MPP7: variants seen among roughly 807,000 people sequenced by gnomAD.
MPP7 encodes the protein MAGUK p55 subfamily member 7.
In MPP7, 60 loss-of-function variants were observed where a neutral mutation model predicts 76.5. The observed-to-expected ratio is 0.78, with a 90% CI of 0.64 to 0.97. MPP7 has a LOEUF of 0.97. Ranked by LOEUF, MPP7 falls within the 50% of genes least tolerant of loss-of-function variation. The pLI is 0.00. For synonymous variants in MPP7, 237 were observed against 244.5 expected (o/e 0.97, Z 0.29); for missense variants, 641 against 694.0 (o/e 0.92, Z 0.86).
chr10:28,104,728 C>T (rs1853989273), intron 11 of MPP7, among the ~76,000 whole-genome samples: 1 of 152,146 alleles, frequency 6.6e-6, no homozygotes, highest in Non-Finnish European at 1.5e-5. Context: ...CCTATTATTT[C>T]ACTGTGGAAG....
chr10:28,086,111 G>T (rs1265790859), intron 12 of MPP7, among the ~76,000 whole-genome samples: 1 of 152,142 alleles, frequency 6.6e-6, no homozygotes, highest in African/African-American at 2.4e-5. Flanking sequence ...GACACAGAGA[G>T]GGGAACATCA....
At chr10:28,237,153 AT>A (rs765503185) in intron 2 of MPP7, among the ~76,000 whole-genome samples, 7 of 152,238 alleles carry the variant, frequency 4.6e-5, no homozygotes, top group Admixed American at 2.0e-4. Flanking sequence ...AAGCAACGAT[AT>A]TTTGCATTAA....
intron 5 of MPP7, among the ~76,000 whole-genome samples, chr10:28,139,117 A>G (rs1835434222): frequency 6.6e-6 from 1 of 152,226 alleles, no homozygotes; most frequent in Admixed American, 6.5e-5. Flanking sequence ...GGAAAGGGCC[A>G]GGGGAAGAAG....
At chr10:28,254,078 C>T (rs1340684095) in intron 1 of MPP7, among the ~76,000 whole-genome samples, 4 of 145,528 alleles carry the variant, frequency 2.7e-5, no homozygotes, top group East Asian at 2.0e-4. Context: ...CATTCAATTG[C>T]ACTATAATCT....
chr10:28,233,732 A>C (rs1838971344), intron 2 of MPP7, among the ~76,000 whole-genome samples: 1 of 148,720 alleles, frequency 6.7e-6, no homozygotes. Context: ...AAAAAAAAAA[A>C]AAAGAGAGAA....
At chr10:28,323,413 A>G (rs1406284127) in intron 2 of MPP7, among the ~76,000 whole-genome samples, 1 of 151,914 alleles carries the variant, frequency 6.6e-6, no homozygotes, top group Non-Finnish European at 1.5e-5. Context: ...AGATCGCACC[A>G]CTGTACTCTA....
intron 2 of MPP7, among the ~76,000 whole-genome samples, chr10:28,310,184 T>C (rs1841282092): frequency 6.6e-6 from 1 of 151,990 alleles, no homozygotes; most frequent in African/African-American, 2.4e-5. Flanking sequence ...GTATTTTTGG[T>C]AGAGACGGGG....
intron 3 of MPP7, among the ~76,000 whole-genome samples, chr10:28,155,598 C>CAAAAAA (rs71391013): frequency 1.0e-4 from 13 of 124,638 alleles, no homozygotes; most frequent in East Asian, 2.6e-4. Flanking sequence ...ACCCTGTCTC[C>CAAAAAA]AAAAAAAAAA....
intron 3 of MPP7, among the ~76,000 whole-genome samples, chr10:28,157,793 T>C (rs979526725): frequency 6.6e-6 from 1 of 152,232 alleles, no homozygotes; most frequent in African/African-American, 2.4e-5. Flanking sequence ...GAGTCTTAGC[T>C]AAAATGTCAC....
chr10:28,207,233 C>T (rs1454501134), intron 2 of MPP7, among the ~76,000 whole-genome samples: 1 of 151,752 alleles, frequency 6.6e-6, no homozygotes, highest in Admixed American at 6.6e-5. Context: ...AAAATTATTT[C>T]ATAAAATTCT....
chr10:28,063,693 T>A (rs11006822), intron 13 of MPP7, among the ~76,000 whole-genome samples: 1 of 151,882 alleles, frequency 6.6e-6, no homozygotes, highest in Non-Finnish European at 1.5e-5. Flanking sequence ...GAGACCTAGA[T>A]TGGGTACTCC....
intron 2 of MPP7, among the ~76,000 whole-genome samples, chr10:28,226,088 C>A (rs1372196026): frequency 1.3e-5 from 2 of 152,140 alleles, no homozygotes; most frequent in Non-Finnish European, 1.5e-5. Flanking sequence ...ACATGCTACA[C>A]CACAGATGAA....
chr10:28,239,048 A>C (rs1564725464), intron 1 of MPP7, among the ~76,000 whole-genome samples: 2 of 152,210 alleles, frequency 1.3e-5, no homozygotes, highest in Non-Finnish European at 2.9e-5. Flanking sequence ...TGTCATTCTC[A>C]ACTTCCTTCC....
chr10:28,309,170 T>C (rs979197117), intron 2 of MPP7, among the ~76,000 whole-genome samples: 2 of 152,142 alleles, frequency 1.3e-5, no homozygotes, highest in Non-Finnish European at 2.9e-5. Flanking sequence ...TATTACTAAA[T>C]GTTAAGAAGA....
intron 14 of MPP7, among the ~76,000 whole-genome samples, chr10:28,058,858 T>C (rs2133322314): frequency 6.6e-6 from 1 of 152,334 alleles, no homozygotes; most frequent in South Asian, 2.1e-4. Context: ...AGGGCTCTAA[T>C]GTTTTCCATC....
intron 5 of MPP7, among the ~76,000 whole-genome samples, chr10:28,135,860 G>T (rs1218143989): frequency 1.3e-5 from 2 of 152,126 alleles, no homozygotes; most frequent in Non-Finnish European, 2.9e-5. Flanking sequence ...TATAGCAGGG[G>T]TCTTCAACCC....
chr10:28,121,167 C>A (rs192266822), intron 8 of MPP7, among the ~76,000 whole-genome samples: 1 of 151,554 alleles, frequency 6.6e-6, no homozygotes, highest in African/African-American at 2.4e-5. Flanking sequence ...ATTAGCCAAG[C>A]GTGGTGATGA....
At chr10:28,279,447 G>A (rs963339827) in intron 1 of MPP7, among the ~76,000 whole-genome samples, 12 of 151,874 alleles carry the variant, frequency 7.9e-5, no homozygotes, top group Admixed American at 2.6e-4. Flanking sequence ...TAAGAATTTC[G>A]GACAGGCGCA....
intron 1 of MPP7, among the ~76,000 whole-genome samples, chr10:28,280,540 G>A (rs1418274096): frequency 6.6e-6 from 1 of 151,958 alleles, no homozygotes; most frequent in African/African-American, 2.4e-5. Flanking sequence ...TGCATACAGG[G>A]GCCTGACGGT....
Sources: allele counts gnomAD v4.1 joint callset (sites outside exome capture counted in the v4.1 genomes callset), GRCh38; gene constraint gnomAD v4.1.1; transcripts MANE v1.5; gene names NCBI Gene and HGNC (gene_info 2026-07-23, HGNC 2026-07-21).